Variants in SCML4 observed in about 807,000 individuals in gnomAD.
The protein encoded by SCML4 is Scm polycomb group protein like 4.
Under a neutral mutation model 41.1 loss-of-function variants are expected in SCML4, and 34 were observed. The observed-to-expected ratio is 0.83, with a 90% CI of 0.63 to 1.10. The LOEUF (loss-of-function observed/expected upper bound fraction) is 1.10, where lower values mean the gene tolerates loss of function less well. Among genes scored for constraint, SCML4 ranks in the 50% least tolerant of loss-of-function variants. SCML4 has a pLI of 0.00. For missense variants in SCML4, 522 were observed against 534.1 expected (o/e 0.98, Z 0.22); for synonymous variants, 214 against 220.9 (o/e 0.97, Z 0.28).
chr6:107,712,030 A>G (rs1305834284), intron 6 of SCML4, among the ~76,000 whole-genome samples: 4 of 152,130 alleles, frequency 2.6e-5, no homozygotes, highest in Non-Finnish European at 4.4e-5. Flanking sequence ...GTGGTTTGGC[A>G]CGGGGCATTT....
chr6:107,778,471 T>C (rs1937545058), intron 1 of SCML4, among the ~76,000 whole-genome samples: 1 of 151,782 alleles, frequency 6.6e-6, no homozygotes, highest in African/African-American at 2.4e-5. Flanking sequence ...AGTTATAACC[T>C]TTAAACAGTT....
At chr6:107,738,387 C>T (rs763861202) in intron 5 of SCML4, among the ~76,000 whole-genome samples, 5 of 151,416 alleles carry the variant, frequency 3.3e-5, no homozygotes, top group South Asian at 2.1e-4. Context: ...TTTGGGAGGC[C>T]GAAGCGGGCA....
chr6:107,772,167 C>G lies in SCML4; in HGVS notation c.156+5G>C. 1 of 1,547,508 alleles carries G rather than the reference C, an allele frequency of 6.5e-7. No individual in the cohort carries two copies. Among genetic ancestry groups the G allele is most frequent in the Non-Finnish European group, 8.7e-7 (1 of 1,144,900 alleles). On this transcript the variant is annotated splice_donor_5th_base_variant and intron_variant, in intron 2 of 7. Coordinates refer to ENST00000369020, the MANE Select transcript of SCML4 (RefSeq NM_198081.5). ...ACTTTGGAGAAGGAGATGATGGAGC[C>G]GTACCTTGTACCCGGGTTTCCGCCC... is the stretch of plus-strand genomic sequence containing the variant.
chr6:107,839,396 A>AGAAAGAAAGAAAGAAAGAAC, the SCML4 span, among the ~76,000 whole-genome samples: 1 of 144,856 alleles, frequency 6.9e-6, no homozygotes, highest in African/African-American at 2.7e-5. Flanking sequence ...AAAGAAAGAA[A>AGAAAGAAAGAAAGAAAGAAC]GAAAGAAAGA....
At chr6:107,802,614 GGAAGGAAGGAAGGAAGGAAGGAAA>G (rs1783248810) in intron 1 of SCML4, among the ~76,000 whole-genome samples, 4 of 142,410 alleles carry the variant, frequency 2.8e-5, no homozygotes, top group African/African-American at 1.1e-4. Context: ...AAGGAAGGAA[GGAAGGAAGGAAGGAAGGAAGGAAA>G]GAAAATTGGA....
chr6:107,845,643 G>A, the SCML4 span, among the ~76,000 whole-genome samples: 2 of 152,142 alleles, frequency 1.3e-5, no homozygotes, highest in African/African-American at 4.8e-5. Flanking sequence ...CAGGGACAAC[G>A]CTCCTTCAGA....
At chr6:107,748,907 T>G (rs1159481429) in intron 3 of SCML4, among the ~76,000 whole-genome samples, 8 of 152,126 alleles carry the variant, frequency 5.3e-5, no homozygotes, top group African/African-American at 1.9e-4. Context: ...GGATGATCAC[T>G]CCAGATGGAG....
chr6:107,749,905 C>T, intron 2 of SCML4, 92 bp from the exon 3 acceptor site: 1 of 1,317,508 alleles, frequency 7.6e-7, no homozygotes, highest in Admixed American at 1.9e-5. Context: ...AACCATTGCT[C>T]TTCTATCATG....
intron 5 of SCML4, among the ~76,000 whole-genome samples, chr6:107,739,424 A>G (rs965034659): frequency 6.6e-6 from 1 of 152,038 alleles, no homozygotes. Flanking sequence ...CTTAGCTGTC[A>G]TGGCTTTGCA....
chr6:107,802,924 T>C (rs1783329026), intron 1 of SCML4, among the ~76,000 whole-genome samples: 1 of 151,884 alleles, frequency 6.6e-6, no homozygotes, highest in Non-Finnish European at 1.5e-5. Flanking sequence ...TCGTATTTTT[T>C]TGGTGGAGAC....
chr6:107,813,970 C>T (rs970156048), intron 1 of SCML4, among the ~76,000 whole-genome samples: 1 of 152,206 alleles, frequency 6.6e-6, no homozygotes, highest in Non-Finnish European at 1.5e-5. Flanking sequence ...TGCATGGCAG[C>T]CTCAGGGCAG....
chr6:107,784,168 G>A lies in SCML4; in HGVS notation c.-59-11782C>T, dbSNP rs542560096. Among the ~76,000 whole-genome samples the A allele has an allele frequency of 1.1e-4, 17 of 152,292 alleles. No individual in the cohort carries two copies. In the East Asian group the frequency reaches 2.3e-3, roughly 21 times the overall value. On this transcript the variant is annotated intron_variant, in intron 1 of 7. Transcript: ENST00000369020. The stretch of plus-strand genomic sequence containing the variant: ...ATCTGCCTGCCCTTGAGACCAGTTC[G>A]TGACCGGGCAGAATGGGAAAACTTG...
At chr6:107,804,969 C>T (rs901578901) in intron 1 of SCML4, among the ~76,000 whole-genome samples, 1 of 152,136 alleles carries the variant, frequency 6.6e-6, no homozygotes, top group Non-Finnish European at 1.5e-5. Context: ...GACCCTGTCT[C>T]AAAACTAAAC....
intron 1 of SCML4, among the ~76,000 whole-genome samples, chr6:107,793,813 C>T (rs1782517722): frequency 6.6e-6 from 1 of 152,032 alleles, no homozygotes; most frequent in Admixed American, 6.5e-5. Flanking sequence ...GGTATAGTGG[C>T]ATGCACCTGT....
chr6:107,818,834 A>G (rs2114303383), intron 1 of SCML4, among the ~76,000 whole-genome samples: 1 of 152,302 alleles, frequency 6.6e-6, no homozygotes, highest in East Asian at 1.9e-4. Context: ...GTCTGCATCT[A>G]AGGCAGGGCC....
intron 1 of SCML4, among the ~76,000 whole-genome samples, chr6:107,800,863 C>T (rs1345624296): frequency 3.3e-5 from 5 of 152,170 alleles, no homozygotes; most frequent in Non-Finnish European, 7.3e-5. Context: ...GATCAATAAG[C>T]AAGGGTCCTG....
intron 2 of SCML4, among the ~76,000 whole-genome samples, chr6:107,751,444 A>G (rs1778614312): frequency 6.6e-6 from 1 of 152,194 alleles, no homozygotes; most frequent in Admixed American, 6.5e-5. Flanking sequence ...TAGGGAGGCC[A>G]GAGTGAGACA....
chr6:107,721,117 G>A, intron 5 of SCML4, 124 bp from the exon 6 acceptor site: 1 of 1,240,444 alleles, frequency 8.1e-7, no homozygotes, highest in Non-Finnish European at 1.1e-6. Context: ...CATGCAGAGA[G>A]GAGAAATGAA....
chr6:107,827,268 ATATT>A (rs1785293850), upstream of SCML4, among the ~76,000 whole-genome samples: 1 of 146,726 alleles, frequency 6.8e-6, no homozygotes, highest in African/African-American at 2.5e-5. Context: ...ATTTAAATAT[ATATT>A]TACATTTTTA....
Sources: allele counts gnomAD v4.1 joint callset (sites outside exome capture counted in the v4.1 genomes callset), GRCh38; gene constraint gnomAD v4.1.1; transcripts MANE v1.5; gene names NCBI Gene and HGNC (gene_info 2026-07-23, HGNC 2026-07-21).